The following FARS2 variants were observed in gnomAD, a reference collection of about 807,000 sequenced individuals.
The protein encoded by FARS2 is phenylalanyl-tRNA synthetase 2, mitochondrial, also known as phenylalanine--tRNA ligase, mitochondrial.
Under a neutral mutation model 46.4 loss-of-function variants are expected in FARS2, and 40 were observed. The ratio of observed to expected loss-of-function variants is 0.86; its 90% CI spans 0.67 to 1.12. FARS2 has a LOEUF of 1.12. Among genes scored for constraint, FARS2 ranks in the 50% most tolerant of loss-of-function variants. The pLI, the probability that FARS2 is intolerant of heterozygous loss-of-function variation, is 0.00. For synonymous variants in FARS2, 234 were observed against 214.9 expected (o/e 1.09, Z -0.78); for missense variants, 513 against 567.9 (o/e 0.90, Z 0.98).
chr6:5,475,160 G>T (rs926563348), intron 4 of FARS2, among the ~76,000 whole-genome samples: 15 of 152,220 alleles, frequency 9.9e-5, no homozygotes, highest in Non-Finnish European at 5.9e-5. Flanking sequence ...GGGTACTGGG[G>T]AAGGTTTTGT....
intron 6 of FARS2, chr6:5,695,142 TAC>T (rs1758020757): frequency 1.3e-5 from 2 of 152,276 alleles, no homozygotes; most frequent in Admixed American, 1.3e-4. Flanking sequence ...ACGCTGTGCT[TAC>T]CCACAAACTG....
At chr6:5,285,737 C>T (rs866237666) in intron 1 of FARS2, among the ~76,000 whole-genome samples, 3 of 152,306 alleles carry the variant, frequency 2.0e-5, no homozygotes, top group South Asian at 2.1e-4. Flanking sequence ...GTTTCAGTGT[C>T]TGTCTCAGTG....
chr6:5,556,691 G>C (rs932056794), intron 5 of FARS2, among the ~76,000 whole-genome samples: 32 of 151,860 alleles, frequency 2.1e-4, no homozygotes, highest in Admixed American at 8.5e-4. Flanking sequence ...AAGAAAGAAA[G>C]AAAGAAAGAG....
At chr6:5,610,122 G>T in intron 5 of FARS2, 1 of 1,117,718 alleles carries the variant, frequency 8.9e-7, no homozygotes, top group Non-Finnish European at 1.3e-6. Context: ...GCTCTCATTG[G>T]TTGTTTCAAA....
intron 2 of FARS2, among the ~76,000 whole-genome samples, chr6:5,397,495 C>T (rs1482753475): frequency 6.6e-6 from 1 of 152,104 alleles, no homozygotes; most frequent in Non-Finnish European, 1.5e-5. Context: ...ACAAGTGTAC[C>T]ACTCTGGTGG....
intron 1 of FARS2, among the ~76,000 whole-genome samples, chr6:5,321,036 A>T (rs1052991663): frequency 1.3e-5 from 2 of 152,282 alleles, no homozygotes; most frequent in East Asian, 3.9e-4. Context: ...TCTCAACTAT[A>T]TTGGAAATGT....
chr6:5,683,345 G>A (rs1779128523), intron 6 of FARS2, among the ~76,000 whole-genome samples: 1 of 152,150 alleles, frequency 6.6e-6, no homozygotes, highest in South Asian at 2.1e-4. Flanking sequence ...TAAGTGAGCA[G>A]GTGAATAGTG....
chr6:5,298,882 AAG>A (rs1768084374), intron 1 of FARS2, among the ~76,000 whole-genome samples: 1 of 151,764 alleles, frequency 6.6e-6, no homozygotes, highest in African/African-American at 2.4e-5. Context: ...AAAAAAAAAA[AAG>A]ATACAAAAAT....
chr6:5,720,403 G>A (rs1759811584), intron 6 of FARS2, among the ~76,000 whole-genome samples: 1 of 152,044 alleles, frequency 6.6e-6, no homozygotes, highest in Admixed American at 6.6e-5. Context: ...GATGTTAATT[G>A]ATCAGTTTTC....
At chr6:5,747,645 CAATG>C (rs1001208822) in intron 6 of FARS2, among the ~76,000 whole-genome samples, 2 of 152,120 alleles carry the variant, frequency 1.3e-5, no homozygotes, top group African/African-American at 4.8e-5. Context: ...CTGGATGCCA[CAATG>C]GATGGAGGTG....
chr6:5,739,053 C>T (rs1021966012), intron 6 of FARS2, among the ~76,000 whole-genome samples: 5 of 152,162 alleles, frequency 3.3e-5, no homozygotes, highest in African/African-American at 1.2e-4. Context: ...CCCTCTGGCA[C>T]CTACTAATCT....
intron 3 of FARS2, among the ~76,000 whole-genome samples, chr6:5,416,802 G>T (rs973602772): frequency 1.3e-5 from 2 of 152,036 alleles, no homozygotes; most frequent in African/African-American, 4.8e-5. Flanking sequence ...GTTGCTTTAG[G>T]ATTTACAGTT....
chr6:5,734,808 T>A (rs779197770), intron 6 of FARS2, among the ~76,000 whole-genome samples: 1 of 152,112 alleles, frequency 6.6e-6, no homozygotes, highest in African/African-American at 2.4e-5. Flanking sequence ...TGTAGATAGA[T>A]AGATACATAC....
intron 4 of FARS2, among the ~76,000 whole-genome samples, chr6:5,473,396 G>A (rs144264748): frequency 0.012 from 1,770 of 152,118 alleles, 24 homozygotes; most frequent in African/African-American, 0.041. Context: ...GAATGGTGGC[G>A]TGTGCCTGTA....
At chr6:5,715,571 T>C (rs761458695) in intron 6 of FARS2, among the ~76,000 whole-genome samples, 6 of 152,188 alleles carry the variant, frequency 3.9e-5, no homozygotes, top group Non-Finnish European at 8.8e-5. Context: ...AGGAATCATA[T>C]AATATGTGGT....
chr6:5,404,771 GTT>G (rs35291527), intron 3 of FARS2, 70 bp downstream of exon 3: 4,581 of 616,544 alleles, frequency 7.4e-3, no homozygotes, highest in East Asian at 0.015. Context: ...TTGGATTTGG[GTT>G]TTTTTTTTTT....
chr6:5,371,138 CT>C (rs768475599), intron 2 of FARS2: 9 of 967,714 alleles, frequency 9.3e-6, no homozygotes, highest in Non-Finnish European at 1.1e-5. Context: ...GTGGGACCTG[CT>C]TATGACCCAA....
In FARS2 at chr6:5,705,271, A is replaced by G. The variant is rs181727323; in HGVS notation, c.1218-66020A>G. ...TTTTTTAATAGTCCCAGGTAGCGAA[A>G]TATTAGAAAATCCCCATGTTTCTTC... On this transcript the variant is annotated intron_variant, in intron 6 of 6. Coordinates refer to ENST00000274680, the MANE Select transcript of FARS2 (RefSeq NM_006567.5). Among the ~76,000 whole-genome samples the G allele has an allele frequency of 1.8e-4, 27 of 152,368 alleles. No individual in the cohort carries two copies. The East Asian group carries it at 3.7e-3, about 21-fold the overall frequency.
chr6:5,333,835 A>G (rs1770966603), intron 1 of FARS2, among the ~76,000 whole-genome samples: 1 of 152,160 alleles, frequency 6.6e-6, no homozygotes, highest in African/African-American at 2.4e-5. Flanking sequence ...TTTGTACATC[A>G]TCTACCATCT....
Sources: allele counts gnomAD v4.1 joint callset (sites outside exome capture counted in the v4.1 genomes callset), GRCh38; gene constraint gnomAD v4.1.1; transcripts MANE v1.5; gene names NCBI Gene and HGNC (gene_info 2026-07-23, HGNC 2026-07-21).